Variants in CCDC91 observed in about 807,000 individuals in gnomAD.
CCDC91 encodes the protein coiled-coil domain containing 91.
In CCDC91, 48 loss-of-function variants were observed where a neutral mutation model predicts 63.2. That is an observed-to-expected ratio of 0.76 (90% CI 0.60 to 0.97). CCDC91 has a LOEUF of 0.97. CCDC91 is among the 50% of genes least tolerant of loss of function. The probability of loss-of-function intolerance (pLI) is 0.00; values close to 1 mark genes in which losing one functional copy is unlikely to be tolerated. For missense variants in CCDC91, 500 were observed against 494.6 expected (o/e 1.01, Z -0.10); for synonymous variants, 167 against 165.8 (o/e 1.01, Z -0.06).
intron 1 of CCDC91, among the ~76,000 whole-genome samples, chr12:28,251,112 C>T (rs746542822): frequency 2.0e-5 from 3 of 151,888 alleles, no homozygotes; most frequent in South Asian, 4.1e-4. Flanking sequence ...AGTATTATTG[C>T]GACTGTGAGG....
At chr12:28,412,312 A>G (rs1204596177) in intron 8 of CCDC91, among the ~76,000 whole-genome samples, 1 of 152,126 alleles carries the variant, frequency 6.6e-6, no homozygotes, top group African/African-American at 2.4e-5. Flanking sequence ...TATTATTGTT[A>G]CTTATATTTA....
At chr12:28,465,162 C>T (rs115776277) in intron 11 of CCDC91, among the ~76,000 whole-genome samples, 1,584 of 152,274 alleles carry the variant, frequency 0.01, 31 homozygotes, top group African/African-American at 0.036. Flanking sequence ...AGGATTGTAC[C>T]TTGGGGTTTG....
intron 6 of CCDC91, among the ~76,000 whole-genome samples, chr12:28,323,203 G>A (rs1277132471): frequency 2.6e-5 from 4 of 151,256 alleles, no homozygotes; most frequent in East Asian, 1.9e-4. Context: ...TATAAGGTTA[G>A]TCTCTTATAT....
chr12:28,543,716 A>C (rs554587879), intron 12 of CCDC91, among the ~76,000 whole-genome samples: 15 of 152,092 alleles, frequency 9.9e-5, no homozygotes, highest in African/African-American at 3.6e-4. Flanking sequence ...GCAGACCCCT[A>C]TATCTGACAT....
At chr12:28,370,919 C>T (rs1316648776) in intron 7 of CCDC91, among the ~76,000 whole-genome samples, 4 of 152,060 alleles carry the variant, frequency 2.6e-5, no homozygotes, top group African/African-American at 4.8e-5. Context: ...TGGAGGAAAT[C>T]GCCTCCATGA....
chr12:28,270,235 G>A (rs1947662982), intron 3 of CCDC91, among the ~76,000 whole-genome samples: 1 of 151,966 alleles, frequency 6.6e-6, no homozygotes, highest in Admixed American at 6.6e-5. Context: ...CACAGAGACT[G>A]CCTAAAGTAC....
At position 28,257,229 on chromosome 12, in the gene CCDC91, A is replaced by G; in HGVS notation, c.14A>G (p.Asp5Gly). The change falls in exon 2 of 13, where the codon GAT (aspartate) becomes GGT (glycine). Residue 5 changes from aspartate (D) to glycine (G), a missense_variant. Coordinates refer to ENST00000536442, the MANE Select transcript of CCDC91 (RefSeq NM_018318.5). ...GCCACTTGAAGAATGGATGATGATG[A>G]TTTTGGTGGTTTTGAGGTATGCACT... Reference protein sequence around the residue: MDDDDFGGFEAAETF... With the variant: MDDDGFGGFEAAETF... 1 of 1,611,072 alleles carries G rather than the reference A, an allele frequency of 6.2e-7. No homozygotes were observed. The highest frequency in any genetic ancestry group is 8.5e-7 in the Non-Finnish European group (1 of 1,177,588).
intron 6 of CCDC91, among the ~76,000 whole-genome samples, chr12:28,342,878 G>C (rs1942536146): frequency 6.6e-6 from 1 of 152,130 alleles, no homozygotes; most frequent in African/African-American, 2.4e-5. Context: ...GATATTGGAG[G>C]TTTGAGTGTG....
intron 6 of CCDC91, among the ~76,000 whole-genome samples, chr12:28,308,269 A>G (rs1396284049): frequency 1.3e-5 from 2 of 152,014 alleles, no homozygotes; most frequent in Non-Finnish European, 2.9e-5. Flanking sequence ...TGTTGGCTGT[A>G]CCTTCAGAAT....
intron 12 of CCDC91, among the ~76,000 whole-genome samples, chr12:28,525,765 T>C (rs1212005786): frequency 6.6e-6 from 1 of 152,136 alleles, no homozygotes; most frequent in African/African-American, 2.4e-5. Flanking sequence ...AGTAATTGTT[T>C]TATAAATTTG....
intron 1 of CCDC91, among the ~76,000 whole-genome samples, chr12:28,195,772 T>C (rs7961769): frequency 0.26 from 39,528 of 152,098 alleles, 5,405 homozygotes; most frequent in Non-Finnish European, 0.31. Flanking sequence ...TTGGGGAGAA[T>C]TGACATCTTA....
intron 3 of CCDC91, chr12:28,304,495 T>C: frequency 3.6e-6 from 1 of 276,594 alleles, no homozygotes; most frequent in Non-Finnish European, 6.9e-6. Flanking sequence ...AAATGCAATA[T>C]TGCTAAAAAT....
chr12:28,243,755 C>T (rs916350704), intron 1 of CCDC91, among the ~76,000 whole-genome samples: 7 of 152,050 alleles, frequency 4.6e-5, no homozygotes, highest in Admixed American at 6.5e-5. Context: ...TTGTAAAAAC[C>T]GAGGGAGAAA....
At chr12:28,369,872 C>T (rs1180771367) in intron 7 of CCDC91, among the ~76,000 whole-genome samples, 1 of 152,198 alleles carries the variant, frequency 6.6e-6, no homozygotes, top group Non-Finnish European at 1.5e-5. Flanking sequence ...CCTTTTTAGC[C>T]ACAGCTAGAG....
At chr12:28,200,116 C>T (rs1371170262) in intron 1 of CCDC91, among the ~76,000 whole-genome samples, 1 of 151,834 alleles carries the variant, frequency 6.6e-6, no homozygotes, top group African/African-American at 2.4e-5. Flanking sequence ...CTTTGATGCT[C>T]TGTTTATTTT....
intron 12 of CCDC91, among the ~76,000 whole-genome samples, chr12:28,538,083 G>A (rs1942319234): frequency 6.7e-6 from 1 of 148,526 alleles, no homozygotes; most frequent in African/African-American, 2.5e-5. Context: ...TCTTTTTAGG[G>A]GTTTTTTTTA....
At position 28,476,331 on chromosome 12, in the gene CCDC91, G is replaced by A. The variant is rs148962683; in HGVS notation, c.1102-7721G>A. Among the ~76,000 whole-genome samples the A allele has an allele frequency of 6.2e-3, 936 of 152,066 alleles. 14 individuals carry two copies. Among genetic ancestry groups the A allele is most frequent in the African/African-American group, 0.021 (870 of 41,500 alleles). ...AGGATTAAGAAACTCATTCAAAACCGGTCAACTGCATGGAAACTGAACAAC... is the reference window on the plus strand; with the variant it reads ...AGGATTAAGAAACTCATTCAAAACCAGTCAACTGCATGGAAACTGAACAAC... On this transcript the variant is annotated intron_variant, in intron 11 of 12. Coordinates refer to ENST00000536442, the MANE Select transcript of CCDC91 (RefSeq NM_018318.5).
At chr12:28,442,322 ATT>A (rs1472384010) in intron 8 of CCDC91, among the ~76,000 whole-genome samples, 1 of 152,136 alleles carries the variant, frequency 6.6e-6, no homozygotes, top group Non-Finnish European at 1.5e-5. Context: ...TTAGAACCAC[ATT>A]GTTATGTGTA....
At chr12:28,430,781 T>A (rs1243977510) in intron 8 of CCDC91, among the ~76,000 whole-genome samples, 3 of 152,184 alleles carry the variant, frequency 2.0e-5, no homozygotes, top group Admixed American at 6.6e-5. Context: ...GGAAAGTTCC[T>A]TATGTAATTT....
Sources: allele counts gnomAD v4.1 joint callset (sites outside exome capture counted in the v4.1 genomes callset), GRCh38; gene constraint gnomAD v4.1.1; transcripts MANE v1.5; gene names NCBI Gene and HGNC (gene_info 2026-07-23, HGNC 2026-07-21).